The following ZNF605 variants were observed in gnomAD, a reference collection of about 807,000 sequenced individuals.
ZNF605 encodes zinc finger protein 605.
A neutral mutation model predicts 7.9 loss-of-function variants in ZNF605; 9 were observed. That is an observed-to-expected ratio of 1.14 (90% confidence interval 0.68 to 1.98). The LOEUF (loss-of-function observed/expected upper bound fraction) is 1.98, where lower values mean the gene tolerates loss of function less well. ZNF605 is among the 30% of genes most tolerant of loss of function. ZNF605 has a pLI of 0.00. For missense variants in ZNF605, 673 were observed against 762.4 expected (o/e 0.88, Z 1.38); for synonymous variants, 255 against 260.1 (o/e 0.98, Z 0.19).
intron 3 of ZNF605, among the ~76,000 whole-genome samples, chr12:132,937,087 G>C (rs749633216): frequency 6.6e-6 from 1 of 152,070 alleles, no homozygotes; most frequent in Admixed American, 6.6e-5. Context: ...GGCTGGGCGC[G>C]GTGGCTCACG....
chr12:132,939,196 A>G (rs1593591716), intron 3 of ZNF605, among the ~76,000 whole-genome samples: 1 of 152,262 alleles, frequency 6.6e-6, no homozygotes, highest in South Asian at 2.1e-4. Context: ...GGGATCCACT[A>G]GGTGAAGCCA....
chr12:132,929,884 G>A (rs1952289685), intron 4 of ZNF605, among the ~76,000 whole-genome samples: 1 of 152,226 alleles, frequency 6.6e-6, no homozygotes, highest in East Asian at 1.9e-4. Flanking sequence ...GTCGGAGGTT[G>A]TAGTGAGCTG....
In ZNF605 at chr12:132,919,555, A is replaced by G. The variant is rs74916896; in HGVS notation, c.*5818T>C. 0.18 allele frequency: 27,450 copies of G among 150,912 alleles called. 3,157 individuals are homozygous for G. Among genetic ancestry groups the G allele is most frequent in the Non-Finnish European group, 0.26 (17,662 of 67,744 alleles). The allele number at this position is 150,912 out of a possible 1,614,324, so 9.3% of individuals were successfully genotyped here. On this transcript the variant is annotated 3_prime_UTR_variant, in exon 5 of 5. Coordinates refer to ENST00000360187, the MANE Select transcript of ZNF605 (RefSeq NM_183238.4). ...CAGGCGCCCGCCACCACGCGCGGCT[A>G]ATTTTTTGTATTTTTAGTAGAGACG...
intron 1 of ZNF605, among the ~76,000 whole-genome samples, chr12:132,954,546 TCA>T (rs1223195407): frequency 1.7e-5 from 2 of 118,828 alleles, no homozygotes; most frequent in East Asian, 4.9e-4. Context: ...AGTCAGGCGC[TCA>T]CAGAGCCCCT....
intron 1 of ZNF605, among the ~76,000 whole-genome samples, chr12:132,953,846 A>G (rs1593608380): frequency 6.6e-6 from 1 of 151,782 alleles, no homozygotes; most frequent in Admixed American, 6.6e-5. Flanking sequence ...CCACCCGCAC[A>G]CCCATCACAG....
chr12:132,925,926 A>T lies in ZNF605; in HGVS notation c.1373T>A (p.Phe458Tyr), dbSNP rs1159937436. The change falls in exon 5 of 5, where the codon TTC becomes TAC. Residue 458 changes from phenylalanine to tyrosine, a missense_variant. By Grantham distance (22) the Phe-to-Tyr change is conservative (BLOSUM62 3). Coordinates refer to ENST00000360187, the MANE Select transcript of ZNF605 (RefSeq NM_183238.4). Reference protein sequence around the residue: ...PYECSECGKAFTQKSSLISHQ... With the variant: ...PYECSECGKAYTQKSSLISHQ... ...TGATATCAGGCTTGACTTCTGGGTG[A>T]AGGCCTTCCCACACTCACTGCATTC... 1 of 1,614,136 alleles carries T rather than the reference A, an allele frequency of 6.2e-7. No individual in the cohort carries two copies. Among genetic ancestry groups the T allele is most frequent in the South Asian group, 1.1e-5 (1 of 91,082 alleles).
chr12:132,951,022 CA>C (rs1952557222), intron 1 of ZNF605, among the ~76,000 whole-genome samples: 1 of 150,044 alleles, frequency 6.7e-6, no homozygotes, highest in African/African-American at 2.5e-5. Context: ...ATACTGATAA[CA>C]CGTACATCAC....
At chr12:132,935,056 G>A (rs1952350016) in intron 3 of ZNF605, among the ~76,000 whole-genome samples, 1 of 152,142 alleles carries the variant, frequency 6.6e-6, no homozygotes, top group African/African-American at 2.4e-5. Flanking sequence ...GAGAGGGAGT[G>A]GGAGCGGTGG....
intron 3 of ZNF605, among the ~76,000 whole-genome samples, chr12:132,936,202 C>T (rs1952365191): frequency 1.3e-5 from 2 of 150,972 alleles, no homozygotes; most frequent in South Asian, 2.1e-4. Context: ...AATCAGAAGA[C>T]TATAAAAATG....
chr12:132,936,040 G>A (rs1370467237), intron 3 of ZNF605, among the ~76,000 whole-genome samples: 2 of 151,596 alleles, frequency 1.3e-5, no homozygotes, highest in Admixed American at 6.6e-5. Flanking sequence ...CAGCCTGGGC[G>A]ACAGAGCAAG....
rs989597395 is a variant in ZNF605, at chr12:132,941,996, A to G, written c.15+3625T>C. ...TGTAAACCTATTTTTAAACCTTTTAAAAGTTCAGGATTTTGTGCTCAACAA... is the reference window on the plus strand; with the variant it reads ...TGTAAACCTATTTTTAAACCTTTTAGAAGTTCAGGATTTTGTGCTCAACAA... On this transcript the variant is annotated intron_variant, in intron 3 of 4. Coordinates refer to ENST00000360187, the MANE Select transcript of ZNF605 (RefSeq NM_183238.4). The surrounding 1 kb of genome is among the most constrained non-coding windows in gnomAD (Gnocchi z 5.1). 1.3e-5 allele frequency among the ~76,000 whole-genome samples: 2 copies of G among 152,222 alleles called. No individual in the cohort carries two copies. Among genetic ancestry groups the G allele is most frequent in the Non-Finnish European group, 2.9e-5 (2 of 68,038 alleles).
At chr12:132,947,731 G>A (rs1952508853) in intron 2 of ZNF605, among the ~76,000 whole-genome samples, 1 of 151,988 alleles carries the variant, frequency 6.6e-6, no homozygotes, top group African/African-American at 2.4e-5. Context: ...CAAATAATCA[G>A]GTAACTAAGT....
At position 132,951,566 on chromosome 12, in the gene ZNF605, G is replaced by A. The variant is rs950457421; in HGVS notation, c.-285-3296C>T. Among the ~76,000 whole-genome samples, 16 of 122,290 alleles carry A rather than the reference G, an allele frequency of 1.3e-4. No individual in the cohort carries two copies. The South Asian group carries it at 3.8e-3, about 29-fold the overall frequency. The allele number at this position is 122,290 out of a possible 152,430, so 80.2% of individuals were successfully genotyped here. ...CACACATACACACACTGATGCACAC[G>A]TATACCATACACACAGACATGCACA... is the stretch of plus-strand genomic sequence containing the variant. On this transcript the variant is annotated intron_variant, in intron 1 of 4. Transcript: ENST00000360187.
chr12:132,923,901 G>A lies in ZNF605; in HGVS notation c.*1472C>T, dbSNP rs1216461257. Reference sequence around the variant, plus strand: ...TTTTTTCTCTCTGTATATCACTTTGGTAGTTTTTATTCTTACTCTTCAAGT... The same window carrying A: ...TTTTTTCTCTCTGTATATCACTTTGATAGTTTTTATTCTTACTCTTCAAGT... On this transcript the variant is annotated 3_prime_UTR_variant, in exon 5 of 5. Transcript: ENST00000360187. The A allele has an allele frequency of 2.0e-5, 3 of 151,584 alleles. No homozygotes were observed. The highest frequency in any genetic ancestry group is 1.3e-4 in the Admixed American group (2 of 15,216). The allele number at this position is 151,584 out of a possible 1,614,324, so 9.4% of individuals were successfully genotyped here.
chr12:132,925,525 C>G lies in ZNF605; in HGVS notation c.1774G>C (p.Gly592Arg), dbSNP rs766333833. 1 of 1,614,074 alleles carries G rather than the reference C, an allele frequency of 6.2e-7. No homozygotes were observed. The highest frequency in any genetic ancestry group is 8.5e-7 in the Non-Finnish European group (1 of 1,179,996). ...IHTGERPYKC[G>R]ECGKSFTRKS... The stretch of plus-strand genomic sequence containing the variant: ...CTTGTGAAAGATTTCCCACATTCAC[C>G]ACATTTATATGGTCTCTCTCCTGTA... Residue 592 changes from glycine (G) to arginine (R), a missense_variant, in exon 5 of 5, where the codon GGT (glycine) becomes CGT (arginine). Coordinates refer to ENST00000360187, the MANE Select transcript of ZNF605 (RefSeq NM_183238.4).
chr12:132,924,515 A>C lies in ZNF605; in HGVS notation c.*858T>G, dbSNP rs1391059266. 1 of 152,270 alleles carries C rather than the reference A, an allele frequency of 6.6e-6. No individual in the cohort carries two copies. Among genetic ancestry groups the C allele is most frequent in the Non-Finnish European group, 1.5e-5 (1 of 68,112 alleles). The allele number at this position is 152,270 out of a possible 1,614,324, so 9.4% of individuals were successfully genotyped here. ...TCTAGAAGGATCCCATCTCTCCAGT[A>C]CTTTCCCCTGGAAATTCTAGCTGCT... On this transcript the variant is annotated 3_prime_UTR_variant, in exon 5 of 5. Coordinates refer to ENST00000360187, the MANE Select transcript of ZNF605 (RefSeq NM_183238.4).
chr12:132,948,118 C>T (rs1952513080), intron 2 of ZNF605, 30 bp downstream of exon 2: 1 of 152,176 alleles, frequency 6.6e-6, no homozygotes, highest in Non-Finnish European at 1.5e-5. Context: ...ACTCAAAAAG[C>T]ACCACATCCT....
intron 1 of ZNF605, among the ~76,000 whole-genome samples, chr12:132,953,613 G>A (rs1171345661): frequency 6.6e-6 from 1 of 152,036 alleles, no homozygotes. Context: ...TTTTAGTAGA[G>A]ACGGGGTTTC....
chr12:132,950,370 C>T (rs972596149), intron 1 of ZNF605, among the ~76,000 whole-genome samples: 3 of 152,302 alleles, frequency 2.0e-5, no homozygotes, highest in African/African-American at 4.8e-5. Flanking sequence ...TACAAGTACA[C>T]GCACACTCAG....
Sources: gnomAD v4.1 joint callset for allele counts (sites outside exome capture counted in the v4.1 genomes callset) on GRCh38, gnomAD v4.1.1 for gene constraint, Gnocchi (gnomAD v3.1) non-coding constraint, MANE v1.5 for transcripts, NCBI Gene and HGNC (gene_info 2026-07-23, HGNC 2026-07-21) for gene names.